The following RBMS3 variants were observed in gnomAD, a reference collection of about 807,000 sequenced individuals.
The protein encoded by RBMS3 is RNA-binding motif, single-stranded-interacting protein 3.
In RBMS3, 27 loss-of-function variants were observed where a neutral mutation model predicts 66.8. The ratio of observed to expected loss-of-function variants is 0.40; its 90% CI spans 0.30 to 0.56. RBMS3 has a LOEUF of 0.56. Among genes scored for constraint, RBMS3 ranks in the 20% least tolerant of loss-of-function variants. The pLI is 0.40. For synonymous variants in RBMS3, 188 were observed against 183.0 expected (o/e 1.03, Z -0.22); for missense variants, 513 against 549.5 (o/e 0.93, Z 0.66).
chr3:29,473,850 C>CCG (rs1223880332), intron 2 of RBMS3, among the ~76,000 whole-genome samples: 7 of 152,254 alleles, frequency 4.6e-5, no homozygotes, highest in African/African-American at 1.7e-4. Flanking sequence ...CCCGCAAGCG[C>CCG]CGCGCGCAGC....
intron 3 of RBMS3, among the ~76,000 whole-genome samples, chr3:29,501,744 A>G (rs912356624): frequency 2.0e-5 from 3 of 152,156 alleles, no homozygotes; most frequent in African/African-American, 7.2e-5. Context: ...CTAAAGAACC[A>G]ATACCCAAAC....
chr3:29,816,311 GACACACA>G, intron 6 of RBMS3, among the ~76,000 whole-genome samples: 1 of 69,100 alleles, frequency 1.4e-5, no homozygotes, highest in African/African-American at 5.9e-5. Context: ...GACACACACA[GACACACA>G]CACACACACA....
intron 2 of RBMS3, among the ~76,000 whole-genome samples, chr3:29,447,678 C>T (rs554109980): frequency 6.6e-6 from 1 of 152,200 alleles, no homozygotes; most frequent in East Asian, 1.9e-4. Context: ...GAGAACTTAC[C>T]CAATATAAAC....
chr3:29,881,648 A>AT (rs1448714165), intron 7 of RBMS3, among the ~76,000 whole-genome samples: 4 of 152,130 alleles, frequency 2.6e-5, no homozygotes, highest in African/African-American at 7.2e-5. Flanking sequence ...GTCAACATAG[A>AT]TTTTTTCCTT....
chr3:29,993,458 C>G (rs1461758471), intron 14 of RBMS3, among the ~76,000 whole-genome samples: 1 of 152,094 alleles, frequency 6.6e-6, no homozygotes, highest in Non-Finnish European at 1.5e-5. Flanking sequence ...CACAGGGTAC[C>G]CATATATTTG....
chr3:29,913,652 A>G (rs554606639), intron 10 of RBMS3, among the ~76,000 whole-genome samples: 10 of 152,116 alleles, frequency 6.6e-5, no homozygotes, highest in Admixed American at 3.3e-4. Context: ...TGGGTTCTGA[A>G]TAATAACCTT....
chr3:29,578,682 AG>A (rs957930875), intron 3 of RBMS3, among the ~76,000 whole-genome samples: 12 of 152,068 alleles, frequency 7.9e-5, no homozygotes, highest in African/African-American at 2.9e-4. Context: ...AGTGTGCAAA[AG>A]CACACACGGC....
At chr3:29,598,681 TTCA>T (rs1202406340) in intron 4 of RBMS3, among the ~76,000 whole-genome samples, 2 of 152,056 alleles carry the variant, frequency 1.3e-5, no homozygotes, top group East Asian at 3.9e-4. Context: ...AGGAGGTGCC[TTCA>T]TCATCTTTTT....
intron 10 of RBMS3, among the ~76,000 whole-genome samples, chr3:29,901,242 G>A (rs919722125): frequency 5.9e-5 from 9 of 151,760 alleles, no homozygotes; most frequent in African/African-American, 2.2e-4. Flanking sequence ...ACATAGCATA[G>A]CAAAGACTGA....
chr3:29,657,385 GT>G (rs1366887547), intron 4 of RBMS3, among the ~76,000 whole-genome samples: 1 of 152,074 alleles, frequency 6.6e-6, no homozygotes, highest in Non-Finnish European at 1.5e-5. Flanking sequence ...TAACCTTTCT[GT>G]TTTCTCCATA....
chr3:29,443,363 T>C (rs962117089), intron 2 of RBMS3, among the ~76,000 whole-genome samples: 1 of 152,128 alleles, frequency 6.6e-6, no homozygotes, highest in African/African-American at 2.4e-5. Flanking sequence ...TCTTAAGGAT[T>C]GGTAAGTTTT....
rs141010048 is a variant in RBMS3, at chr3:29,292,698, C to A, written c.75+10942C>A. On this transcript the variant is annotated intron_variant, in intron 1 of 14. Transcript: ENST00000383767. Reference sequence around the variant, plus strand: ...AAAAGAAAAAAAGATGACAGTTCTACAACCTCAACCGGTTATTTATAAGAA... The same window carrying A: ...AAAAGAAAAAAAGATGACAGTTCTAAAACCTCAACCGGTTATTTATAAGAA... Among the ~76,000 whole-genome samples, 9 of 151,818 alleles carry A rather than the reference C, an allele frequency of 5.9e-5. No homozygotes were observed. In the East Asian group the frequency reaches 1.4e-3, roughly 23 times the overall value.
intron 4 of RBMS3, among the ~76,000 whole-genome samples, chr3:29,624,895 A>T (rs9852095): frequency 0.32 from 48,594 of 151,936 alleles, 8,322 homozygotes; most frequent in African/African-American, 0.43. Context: ...TTGTTGATAT[A>T]GTTTGTCTCT....
intron 6 of RBMS3, among the ~76,000 whole-genome samples, chr3:29,835,503 GA>G (rs1314161629): frequency 6.6e-6 from 1 of 151,626 alleles, no homozygotes; most frequent in Non-Finnish European, 1.5e-5. Context: ...ACAAATATGT[GA>G]AAATTAAACA....
chr3:29,643,352 C>T (rs1313925795), intron 4 of RBMS3, among the ~76,000 whole-genome samples: 1 of 152,092 alleles, frequency 6.6e-6, no homozygotes, highest in African/African-American at 2.4e-5. Flanking sequence ...AGGTTTTTGG[C>T]CTGCACGGGC....
intron 4 of RBMS3, among the ~76,000 whole-genome samples, chr3:29,688,928 G>A (rs1452174469): frequency 6.6e-6 from 1 of 151,972 alleles, no homozygotes; most frequent in East Asian, 1.9e-4. Flanking sequence ...TTCTTAAAAA[G>A]GAAATCAGAG....
chr3:29,370,880 C>T (rs2038164542), intron 1 of RBMS3, among the ~76,000 whole-genome samples: 1 of 152,174 alleles, frequency 6.6e-6, no homozygotes, highest in Admixed American at 6.6e-5. Context: ...TGTTTGAAGT[C>T]TCCCTACATG....
At chr3:29,737,221 C>T (rs1164187870) in intron 4 of RBMS3, among the ~76,000 whole-genome samples, 10 of 152,100 alleles carry the variant, frequency 6.6e-5, no homozygotes, top group East Asian at 1.9e-4. Flanking sequence ...GTGATCCACC[C>T]GCCTCGGCCT....
At chr3:29,774,655 C>T (rs957018344) in intron 6 of RBMS3, among the ~76,000 whole-genome samples, 3 of 151,888 alleles carry the variant, frequency 2.0e-5, no homozygotes, top group Admixed American at 6.6e-5. Context: ...TATCATAATA[C>T]GAATTCATTA....
Sources: gnomAD v4.1 joint callset for allele counts (sites outside exome capture counted in the v4.1 genomes callset) on GRCh38, gnomAD v4.1.1 for gene constraint, MANE v1.5 for transcripts, NCBI Gene and HGNC (gene_info 2026-07-23, HGNC 2026-07-21) for gene names.